The following SNX29 variants were observed in gnomAD, a reference collection of about 807,000 sequenced individuals.
SNX29 encodes the protein sorting nexin 29.
SNX29 carries 78 observed loss-of-function variants against 102.1 expected under a neutral mutation model. The ratio of observed to expected loss-of-function variants is 0.76; its 90% CI spans 0.64 to 0.92. The LOEUF is 0.92. Among genes scored for constraint, SNX29 ranks in the 40% least tolerant of loss-of-function variants. The pLI is 0.00. For synonymous variants in SNX29, 580 were observed against 414.5 expected (o/e 1.40, Z -4.85); for missense variants, 1,280 against 1,061.7 (o/e 1.21, Z -2.86).
chr16:12,358,241 C>A (rs913059287), intron 16 of SNX29, among the ~76,000 whole-genome samples: 4 of 152,154 alleles, frequency 2.6e-5, no homozygotes, highest in Non-Finnish European at 4.4e-5. Flanking sequence ...TACATCCCTG[C>A]TGTGATATTT....
chr16:12,222,013 G>A (rs1397874791), intron 14 of SNX29, among the ~76,000 whole-genome samples: 2 of 152,218 alleles, frequency 1.3e-5, no homozygotes, highest in Non-Finnish European at 2.9e-5. Context: ...AGGTAGAGAG[G>A]ATGATAAAGA....
chr16:12,106,997 T>C (rs2053278390), intron 11 of SNX29, among the ~76,000 whole-genome samples: 1 of 152,106 alleles, frequency 6.6e-6, no homozygotes, highest in African/African-American at 2.4e-5. Context: ...GAAATTTTTT[T>C]TGTAGAGATG....
chr16:12,563,530 G>A (rs1397377477), intron 20 of SNX29, among the ~76,000 whole-genome samples: 2 of 152,312 alleles, frequency 1.3e-5, no homozygotes, highest in African/African-American at 2.4e-5. Context: ...GAAAAATTGA[G>A]TTGTCTCCCA....
intron 1 of SNX29, among the ~76,000 whole-genome samples, chr16:11,991,754 C>A (rs1380440413): frequency 6.8e-6 from 1 of 146,104 alleles, no homozygotes; most frequent in Non-Finnish European, 1.5e-5. Flanking sequence ...GGGTTTCACA[C>A]GTTGGCCAGG....
intron 14 of SNX29, among the ~76,000 whole-genome samples, chr16:12,266,847 T>G (rs1035354499): frequency 1.6e-4 from 24 of 152,128 alleles, no homozygotes; most frequent in African/African-American, 5.6e-4. Flanking sequence ...CACTCCAACC[T>G]CTGCCCCCTG....
chr16:12,421,351 G>GT (rs2084863233), intron 18 of SNX29, among the ~76,000 whole-genome samples: 1 of 152,200 alleles, frequency 6.6e-6, no homozygotes, highest in South Asian at 2.1e-4. Context: ...CAGGGAGAGA[G>GT]TAAAAACCAA....
intron 14 of SNX29, among the ~76,000 whole-genome samples, chr16:12,241,382 C>T (rs1038972099): frequency 1.3e-5 from 2 of 151,894 alleles, no homozygotes; most frequent in African/African-American, 2.4e-5. Flanking sequence ...CTTGATCAGA[C>T]AATGGCATGA....
At chr16:12,556,334 C>A (rs1028308254) in intron 20 of SNX29, 1 of 152,234 alleles carries the variant, frequency 6.6e-6, no homozygotes, top group African/African-American at 2.4e-5. Flanking sequence ...CCAGGACAGA[C>A]CACTTGGACT....
chr16:12,465,717 G>A (rs2151772253), intron 18 of SNX29, among the ~76,000 whole-genome samples: 1 of 151,768 alleles, frequency 6.6e-6, no homozygotes. Flanking sequence ...TTTTAAGGTT[G>A]TTCTTGTATT....
At chr16:12,124,947 C>T (rs562006999) in intron 11 of SNX29, among the ~76,000 whole-genome samples, 3 of 152,216 alleles carry the variant, frequency 2.0e-5, no homozygotes, top group East Asian at 1.9e-4. Flanking sequence ...CTGTTTCACT[C>T]GAAATGTGAG....
chr16:12,573,873 C>T lies in SNX29; in HGVS notation c.*5244C>T. On this transcript the variant is annotated 3_prime_UTR_variant, in exon 21 of 21. Coordinates refer to ENST00000566228, the MANE Select transcript of SNX29 (RefSeq NM_032167.5). ...AAGAAGAATGTTGGCCTCTCTTCAT[C>T]CCTGGCTTAGCCGTCAGGTAGAACG... 1 of 209,248 alleles carries T rather than the reference C, an allele frequency of 4.8e-6. No individual in the cohort carries two copies. The highest frequency in any genetic ancestry group is 9.7e-6 in the Non-Finnish European group (1 of 102,830). The allele number at this position is 209,248 out of a possible 1,614,324, so 13.0% of individuals were successfully genotyped here.
chr16:12,168,939 G>T (rs534321986), intron 13 of SNX29, among the ~76,000 whole-genome samples: 77 of 152,278 alleles, frequency 5.1e-4, no homozygotes, highest in Middle Eastern at 3.4e-3. Flanking sequence ...GGGTGAGGAG[G>T]GTGGTGGTCC....
intron 14 of SNX29, among the ~76,000 whole-genome samples, chr16:12,230,593 G>A (rs2077738651): frequency 6.6e-6 from 1 of 152,190 alleles, no homozygotes; most frequent in African/African-American, 2.4e-5. Context: ...ATCAAACAAA[G>A]CTGCAAGTGG....
intron 20 of SNX29, among the ~76,000 whole-genome samples, chr16:12,547,172 G>C (rs1217397635): frequency 6.6e-6 from 1 of 152,218 alleles, no homozygotes; most frequent in Non-Finnish European, 1.5e-5. Context: ...TGCTGTTTAT[G>C]GTCTAGGAAG....
chr16:12,540,470 C>G (rs57928346), intron 20 of SNX29, among the ~76,000 whole-genome samples: 127 of 152,274 alleles, frequency 8.3e-4, no homozygotes, highest in Middle Eastern at 6.8e-3. Flanking sequence ...TCTTACTAGG[C>G]TACAGTCAAG....
At chr16:12,540,286 G>T (rs909301910) in intron 20 of SNX29, among the ~76,000 whole-genome samples, 1 of 152,148 alleles carries the variant, frequency 6.6e-6, no homozygotes, top group African/African-American at 2.4e-5. Flanking sequence ...GACAGGACTA[G>T]AGGCATTACG....
chr16:12,225,873 A>G (rs907758251), intron 14 of SNX29, among the ~76,000 whole-genome samples: 10 of 152,200 alleles, frequency 6.6e-5, no homozygotes, highest in African/African-American at 1.4e-4. Flanking sequence ...TAACTCCACA[A>G]TAATACACTA....
chr16:12,484,119 C>T (rs917440472), intron 19 of SNX29, among the ~76,000 whole-genome samples: 13 of 152,214 alleles, frequency 8.5e-5, no homozygotes, highest in African/African-American at 2.7e-4. Flanking sequence ...CTGCTTCCTG[C>T]ATCCCTGCTT....
rs1555544500 is a variant in SNX29 at position 12,461,978 on chromosome 16, A to AATAATATAT, written c.2038-15738_2038-15737insATATATATA. Among the ~76,000 whole-genome samples, 50 of 27,352 alleles carry AATAATATAT rather than the reference A, an allele frequency of 1.8e-3. 1 individual carries two copies. Among genetic ancestry groups the AATAATATAT allele is most frequent in the East Asian group, 6.3e-3 (3 of 474 alleles). 17.9% of individuals were successfully genotyped at this position (27,352 alleles called of 152,430 possible). On this transcript the variant is annotated intron_variant, in intron 18 of 20. Transcript: ENST00000566228. ...CTCAAAAAAAAAAAAAAAAAAAAAA[A>AATAATATAT]ATATATATATATATATATATATATA...
Sources: gnomAD v4.1 joint callset for allele counts (sites outside exome capture counted in the v4.1 genomes callset) on GRCh38, gnomAD v4.1.1 for gene constraint, MANE v1.5 for transcripts, NCBI Gene and HGNC (gene_info 2026-07-23, HGNC 2026-07-21) for gene names.